Variants in DLGAP2 observed in about 807,000 individuals in gnomAD.
DLGAP2 encodes DLG associated protein 2.
A neutral mutation model predicts 100.3 loss-of-function variants in DLGAP2; 26 were observed. That is an observed-to-expected ratio of 0.26 (90% CI 0.19 to 0.36). The LOEUF is 0.36. Ranked by LOEUF, DLGAP2 falls within the 10% of genes least tolerant of loss-of-function variation. The probability of loss-of-function intolerance (pLI) is 1.00; values close to 1 mark genes in which losing one functional copy is unlikely to be tolerated. For missense variants in DLGAP2, 1,858 were observed against 1,453.2 expected, an observed-to-expected ratio of 1.28 and a Z score of -4.53; for synonymous variants, 886 against 630.1, an observed-to-expected ratio of 1.41 and a Z score of -6.08.
intron 1 of DLGAP2, among the ~76,000 whole-genome samples, chr8:881,237 C>T (rs1287264057): frequency 2.6e-5 from 4 of 152,198 alleles, no homozygotes; most frequent in Admixed American, 1.3e-4. Flanking sequence ...TTCATTTGAG[C>T]TATAAAACTC....
chr8:917,706 G>C (rs1417259675), intron 2 of DLGAP2, among the ~76,000 whole-genome samples: 2 of 152,098 alleles, frequency 1.3e-5, no homozygotes, highest in Non-Finnish European at 2.9e-5. Context: ...TCAGCCTCCT[G>C]AGTAGCTGGG....
chr8:1,415,344 C>T (rs1002412973), intron 3 of DLGAP2, among the ~76,000 whole-genome samples: 12 of 151,986 alleles, frequency 7.9e-5, no homozygotes, highest in African/African-American at 1.9e-4. Context: ...TCCGGGGGTA[C>T]GTTGGCAAGT....
At chr8:802,744 G>C (rs150796161) in intron 1 of DLGAP2, among the ~76,000 whole-genome samples, 1 of 152,258 alleles carries the variant, frequency 6.6e-6, no homozygotes, top group East Asian at 1.9e-4. Context: ...TGGTCTCTCA[G>C]ACGGTCACAC....
chr8:1,264,308 C>A (rs1256979655), intron 3 of DLGAP2, among the ~76,000 whole-genome samples: 1 of 152,056 alleles, frequency 6.6e-6, no homozygotes, highest in Non-Finnish European at 1.5e-5. Flanking sequence ...GGTCTGTGCC[C>A]TGTCAGGTAG....
intron 1 of DLGAP2, among the ~76,000 whole-genome samples, chr8:794,793 C>T (rs7460574): frequency 0.99 from 150,102 of 152,276 alleles, 74,015 homozygotes; most frequent in Middle Eastern, 1. Flanking sequence ...TGTGGGTGAA[C>T]GGTGTTTCTA....
At chr8:1,180,004 C>T (rs956178430) in intron 2 of DLGAP2, among the ~76,000 whole-genome samples, 2 of 152,130 alleles carry the variant, frequency 1.3e-5, no homozygotes, top group East Asian at 1.9e-4. Context: ...TTATACTAGC[C>T]AGTTAAAGTG....
chr8:1,293,788 C>G (rs28666422), intron 3 of DLGAP2, among the ~76,000 whole-genome samples: 2 of 152,032 alleles, frequency 1.3e-5, no homozygotes, highest in South Asian at 2.1e-4. Flanking sequence ...TCCTTCTTCA[C>G]TTATTAAACA....
chr8:1,364,506 G>GA (rs112493539), intron 3 of DLGAP2, among the ~76,000 whole-genome samples: 3 of 150,344 alleles, frequency 2.0e-5, no homozygotes, highest in South Asian at 2.1e-4. Context: ...GAAGGGCGGG[G>GA]GGGGTGCAGC....
At chr8:821,221 G>A (rs1796577423) in intron 1 of DLGAP2, among the ~76,000 whole-genome samples, 1 of 152,186 alleles carries the variant, frequency 6.6e-6, no homozygotes, top group Admixed American at 6.5e-5. Context: ...AGATTCTGGT[G>A]ACAACAAAGT....
intron 2 of DLGAP2, among the ~76,000 whole-genome samples, chr8:1,085,225 A>T (rs961200517): frequency 6.6e-6 from 1 of 152,048 alleles, no homozygotes; most frequent in Non-Finnish European, 1.5e-5. Flanking sequence ...TTTTCTTTCT[A>T]TAGAGTTGTT....
At chr8:1,228,694 C>A (rs1585170524) in intron 2 of DLGAP2, among the ~76,000 whole-genome samples, 1 of 152,312 alleles carries the variant, frequency 6.6e-6, no homozygotes, top group African/African-American at 2.4e-5. Flanking sequence ...AAAATGACAT[C>A]AACTCAATAG....
At chr8:1,568,436 A>AT (rs1802505288) in intron 6 of DLGAP2, among the ~76,000 whole-genome samples, 1 of 107,660 alleles carries the variant, frequency 9.3e-6, no homozygotes, top group African/African-American at 3.6e-5. Context: ...ACACAAATCC[A>AT]CTCTGCCCGT....
intron 1 of DLGAP2, among the ~76,000 whole-genome samples, chr8:856,583 G>A (rs1447361270): frequency 1.3e-5 from 2 of 152,208 alleles, no homozygotes; most frequent in Non-Finnish European, 1.5e-5. Flanking sequence ...TATACCAGCA[G>A]TGAATGAGTA....
intron 3 of DLGAP2, among the ~76,000 whole-genome samples, chr8:1,487,340 T>C (rs2130267550): frequency 6.6e-6 from 1 of 152,310 alleles, no homozygotes; most frequent in East Asian, 1.9e-4. Context: ...GTACTGAAAG[T>C]GGGTATTACA....
rs143130251 is a variant in DLGAP2, at chr8:1,706,924, C to T, written c.*5518C>T. On this transcript the variant is annotated 3_prime_UTR_variant, in exon 15 of 15. Transcript: ENST00000637795. ...GCTCCGGGAAACAGCCGTCTTTCAT[C>T]CTTGCCACATTGAAAAATGTCCACA... is the stretch of plus-strand genomic sequence containing the variant. 1.3e-5 allele frequency: 2 copies of T among 152,516 alleles called. No individual in the cohort carries two copies. The highest frequency in any genetic ancestry group is 3.9e-4 in the East Asian group (2 of 5,176). 9.4% of individuals were successfully genotyped at this position (152,516 alleles called of 1,614,324 possible). A position where few individuals can be genotyped will look rare whatever the true frequency, so the allele number is the denominator to read the frequency against.
chr8:1,276,359 T>C (rs1293312236), intron 3 of DLGAP2, among the ~76,000 whole-genome samples: 1 of 152,036 alleles, frequency 6.6e-6, no homozygotes, highest in Non-Finnish European at 1.5e-5. Context: ...GAATGTAGAT[T>C]CGCGTCGGGC....
chr8:1,516,151 G>A (rs1221087276), intron 4 of DLGAP2, among the ~76,000 whole-genome samples: 4 of 152,202 alleles, frequency 2.6e-5, no homozygotes, highest in Non-Finnish European at 5.9e-5. Flanking sequence ...GGGAATGAGT[G>A]AGTGAGTGAT....
chr8:1,441,252 A>C (rs75149438), intron 3 of DLGAP2, among the ~76,000 whole-genome samples: 2,164 of 152,310 alleles, frequency 0.014, 50 homozygotes, highest in African/African-American at 0.048. Flanking sequence ...TTAATTATGT[A>C]TATACTGCTT....
chr8:1,172,655 C>G (rs1374688376), intron 2 of DLGAP2, among the ~76,000 whole-genome samples: 1 of 152,132 alleles, frequency 6.6e-6, no homozygotes, highest in Admixed American at 6.5e-5. Flanking sequence ...CGCTGATACC[C>G]TTTCTTCCAG....
Sources: gnomAD v4.1 joint callset for allele counts (sites outside exome capture counted in the v4.1 genomes callset) on GRCh38, gnomAD v4.1.1 for gene constraint, MANE v1.5 for transcripts, NCBI Gene and HGNC (gene_info 2026-07-23, HGNC 2026-07-21) for gene names.